DHRS12: variants seen among roughly 807,000 people sequenced by gnomAD.
The protein encoded by DHRS12 is dehydrogenase/reductase 12, also known as dehydrogenase/reductase SDR family member 12.
A neutral mutation model predicts 32.1 loss-of-function variants in DHRS12; 29 were observed. That is an observed-to-expected ratio of 0.90 (90% CI 0.67 to 1.23). The LOEUF is 1.23. Ranked by LOEUF, DHRS12 falls within the 50% of genes most tolerant of loss-of-function variation. The pLI is 0.00. For missense variants in DHRS12, 330 were observed against 337.2 expected (o/e 0.98, Z 0.17); for synonymous variants, 150 against 135.9 (o/e 1.10, Z -0.72).
At chr13:51,755,948 A>G in the DHRS12 span, among the ~76,000 whole-genome samples, 2 of 152,228 alleles carry the variant, frequency 1.3e-5, no homozygotes, top group African/African-American at 4.8e-5. Flanking sequence ...AGCAGATTCA[A>G]TCAGGTTTCC....
intron 4 of DHRS12, among the ~76,000 whole-genome samples, chr13:51,781,064 A>G (rs1954681506): frequency 6.6e-6 from 1 of 152,214 alleles, no homozygotes; most frequent in African/African-American, 2.4e-5. Context: ...ATTTTAAAGG[A>G]GCAGACAGCT....
Position 51,782,116 on chromosome 13 carries a change from G to C in DHRS12, c.302-4995C>G, listed in dbSNP as rs1424042366. 6.6e-6 allele frequency among the ~76,000 whole-genome samples: 1 copy of C among 152,134 alleles called. No individual in the cohort carries two copies. The highest frequency in any genetic ancestry group is 1.9e-4 in the East Asian group (1 of 5,180). ...AGATGATGCTGGCCACTGGGGTGGG[G>C]CCCATTACAGGAGCAGACCGGTGAG... On this transcript the variant is annotated intron_variant, in intron 4 of 8. Transcript: ENST00000444610. This position sits in a 1 kb window ranked among gnomAD's most constrained non-coding sequence, Gnocchi z 4.2.
intron 4 of DHRS12, among the ~76,000 whole-genome samples, chr13:51,780,135 C>A (rs1324648821): frequency 6.6e-6 from 1 of 151,964 alleles, no homozygotes; most frequent in African/African-American, 2.4e-5. Context: ...TGAGATTGTG[C>A]CACTGCATTC....
the DHRS12 span, among the ~76,000 whole-genome samples, chr13:51,758,946 G>A: frequency 6.6e-6 from 1 of 152,120 alleles, no homozygotes; most frequent in East Asian, 1.9e-4. Context: ...CCCTTTGGGA[G>A]GTGAGACGGA....
the DHRS12 span, chr13:51,759,700 C>T: frequency 5.0e-6 from 8 of 1,610,430 alleles, no homozygotes; most frequent in Non-Finnish European, 6.8e-6. Context: ...ATCCTCAACA[C>T]AATTTTAGTT....
Position 51,782,630 on chromosome 13 carries a change from T to C in DHRS12, c.302-5509A>G, listed in dbSNP as rs1454562921. On this transcript the variant is annotated intron_variant, in intron 4 of 8. Transcript: ENST00000444610. This position sits in a 1 kb window ranked among gnomAD's most constrained non-coding sequence, Gnocchi z 4.2. ...TGAGAGGCTGGTGGAGGAAGTGCTG[T>C]GCAGGCTTTTCTCCAGGGCCTAGCC... Among the ~76,000 whole-genome samples the C allele has an allele frequency of 6.6e-6, 1 of 152,130 alleles. No individual in the cohort carries two copies. Among genetic ancestry groups the C allele is most frequent in the Non-Finnish European group, 1.5e-5 (1 of 68,028 alleles).
In DHRS12 at chr13:51,771,831, G is replaced by A. The variant is rs764350346; in HGVS notation, c.549C>T (p.Ala183=). Residue 183 remains alanine (A), a synonymous_variant, in exon 7 of 9, where the codon GCC becomes GCT. Transcript: ENST00000444610. Reference sequence around the variant, plus strand: ...AAGGCTATGACATACCTGGGGTGTCGGCCCAGCCAGGATGCATGGAAGAAA... The same window carrying A: ...AAGGCTATGACATACCTGGGGTGTCAGCCCAGCCAGGATGCATGGAAGAAA... ...IHFSSMHPGW[A]DTPGVRQAMP... is the part of the protein sequence containing the mutation. The A allele has an allele frequency of 1.7e-5, 27 of 1,613,976 alleles. No homozygotes were observed. Among genetic ancestry groups the A allele is most frequent in the African/African-American group, 1.1e-4 (8 of 74,906 alleles).
intron 4 of DHRS12, among the ~76,000 whole-genome samples, chr13:51,779,942 C>T (rs890879475): frequency 2.6e-5 from 4 of 151,936 alleles, no homozygotes; most frequent in Middle Eastern, 6.8e-3. Flanking sequence ...TTTGGGAGGC[C>T]GAGGCGGGCG....
chr13:51,789,036 T>A (rs1044875471), intron 4 of DHRS12, among the ~76,000 whole-genome samples: 1 of 152,228 alleles, frequency 6.6e-6, no homozygotes, highest in African/African-American at 2.4e-5. Flanking sequence ...GCTCTTGCAC[T>A]GAGCCATGCC....
chr13:51,756,170 G>A, the DHRS12 span, among the ~76,000 whole-genome samples: 1 of 152,216 alleles, frequency 6.6e-6, no homozygotes, highest in South Asian at 2.1e-4. Context: ...GAGCCCCAGA[G>A]AAGAACACAT....
At chr13:51,794,440 G>A (rs1436130629) in intron 2 of DHRS12, among the ~76,000 whole-genome samples, 1 of 152,178 alleles carries the variant, frequency 6.6e-6, no homozygotes, top group Non-Finnish European at 1.5e-5. Context: ...AAACCACTGA[G>A]GTCTTGGGAA....
intron 7 of DHRS12, 142 bp from the exon 8 acceptor site, chr13:51,769,435 G>T: frequency 2.8e-6 from 2 of 724,976 alleles, no homozygotes; most frequent in Non-Finnish European, 2.1e-6. Context: ...ACTCACCCAA[G>T]CCACTCGGAA....
chr13:51,783,638 T>C (rs1307001810), intron 4 of DHRS12, among the ~76,000 whole-genome samples: 2 of 152,106 alleles, frequency 1.3e-5, no homozygotes, highest in African/African-American at 2.4e-5. Flanking sequence ...ATTCCCTCTG[T>C]CGTCACACCC....
intron 2 of DHRS12, among the ~76,000 whole-genome samples, chr13:51,794,475 C>G (rs79912015): frequency 0.011 from 1,601 of 152,320 alleles, 13 homozygotes; most frequent in South Asian, 0.019. Flanking sequence ...TCTCAAGAAG[C>G]TAGAAATCCA....
intron 6 of DHRS12, among the ~76,000 whole-genome samples, chr13:51,772,398 C>T (rs149854447): frequency 7.2e-5 from 11 of 152,132 alleles, no homozygotes; most frequent in African/African-American, 1.7e-4. Flanking sequence ...GGAGGCGGGA[C>T]GATCACCTGA....
At chr13:51,803,442 C>T (rs1437544576) in intron 1 of DHRS12, 1 of 152,250 alleles carries the variant, frequency 6.6e-6, no homozygotes, top group East Asian at 1.9e-4. Context: ...CTCCATCTCT[C>T]CTCCGTCACA....
At chr13:51,756,611 C>A in the DHRS12 span, 1 of 1,373,960 alleles carries the variant, frequency 7.3e-7, no homozygotes, top group Non-Finnish European at 9.4e-7. Context: ...CTCTCCTTTG[C>A]CACCAAGAGA....
intron 1 of DHRS12, chr13:51,803,665 T>C (rs1955857254): frequency 6.0e-6 from 1 of 166,164 alleles, no homozygotes; most frequent in Admixed American, 6.4e-5. Flanking sequence ...TAGCTAGCGA[T>C]TTAGATCCAG....
At chr13:51,789,816 A>T (rs1263856032) in intron 4 of DHRS12, 195 bp downstream of exon 4, 10 of 985,298 alleles carry the variant, frequency 1.0e-5, no homozygotes, top group Non-Finnish European at 1.2e-5. Context: ...TCTGGCACCA[A>T]CACCTATTAT....
Sources: allele counts gnomAD v4.1 joint callset (sites outside exome capture counted in the v4.1 genomes callset), GRCh38; gene constraint gnomAD v4.1.1; non-coding constraint Gnocchi (gnomAD v3.1); transcripts MANE v1.5; gene names NCBI Gene and HGNC (gene_info 2026-07-23, HGNC 2026-07-21).